Variants in FAM171B observed in about 807,000 individuals in gnomAD.
FAM171B encodes the protein family with sequence similarity 171 member B, also known as protein FAM171B.
Under a neutral mutation model 75.6 loss-of-function variants are expected in FAM171B, and 19 were observed. That is an observed-to-expected ratio of 0.25 (90% CI 0.18 to 0.37). FAM171B has a LOEUF of 0.37. Ranked by LOEUF, FAM171B falls within the 10% of genes least tolerant of loss-of-function variation. The pLI, the probability that FAM171B is intolerant of heterozygous loss-of-function variation, is 1.00. For synonymous variants in FAM171B, 367 were observed against 361.7 expected (o/e 1.01, Z -0.17); for missense variants, 848 against 982.4 (o/e 0.86, Z 1.83).
intron 1 of FAM171B, among the ~76,000 whole-genome samples, chr2:186,732,335 G>T (rs1295696807): frequency 6.6e-6 from 1 of 152,104 alleles, no homozygotes; most frequent in African/African-American, 2.4e-5. Context: ...TATATTACTT[G>T]AGTTAATTTA....
At chr2:186,719,732 T>G in intron 1 of FAM171B, among the ~76,000 whole-genome samples, 1 of 152,218 alleles carries the variant, frequency 6.6e-6, no homozygotes, top group East Asian at 1.9e-4. Flanking sequence ...CATTATAAAT[T>G]GGCATCACAT....
chr2:186,725,074 A>T (rs535445961), intron 1 of FAM171B, among the ~76,000 whole-genome samples: 1 of 152,132 alleles, frequency 6.6e-6, no homozygotes, highest in Non-Finnish European at 1.5e-5. Flanking sequence ...GCCAGGCGCG[A>T]TGGCTCACGC....
In FAM171B at chr2:186,703,072, T is replaced by TACAC. The variant is rs1259307617; in HGVS notation, c.238+8662_238+8663insCACA. Reference sequence around the variant, plus strand: ...TATAATATGTGTGTGTGTATATATATATATACACACACACACACACACACA... The same window carrying TACAC: ...TATAATATGTGTGTGTGTATATATATACACATATACACACACACACACACACACA... On this transcript the variant is annotated intron_variant, in intron 1 of 7. Coordinates refer to ENST00000304698, the MANE Select transcript of FAM171B (RefSeq NM_177454.4). 3.3e-3 allele frequency among the ~76,000 whole-genome samples: 399 copies of TACAC among 122,156 alleles called. 2 individuals carry two copies. Among genetic ancestry groups the TACAC allele is most frequent in the African/African-American group, 0.013 (372 of 28,728 alleles). The allele number at this position is 122,156 out of a possible 152,430, so 80.1% of individuals were successfully genotyped here. A position where few individuals can be genotyped will look rare whatever the true frequency, so the allele number is the denominator to read the frequency against.
At chr2:186,752,398 A>G (rs1690469818) in intron 5 of FAM171B, among the ~76,000 whole-genome samples, 1 of 152,176 alleles carries the variant, frequency 6.6e-6, no homozygotes, top group Non-Finnish European at 1.5e-5. Context: ...GCAGTAATAT[A>G]TCTATGTTTT....
At chr2:186,728,671 T>A (rs897588446) in intron 1 of FAM171B, among the ~76,000 whole-genome samples, 1 of 152,216 alleles carries the variant, frequency 6.6e-6, no homozygotes, top group Admixed American at 6.5e-5. Context: ...TTTAGCAATG[T>A]ATTCCTATAG....
intron 6 of FAM171B, 55 bp downstream of exon 6, chr2:186,754,104 A>G: frequency 7.4e-7 from 1 of 1,345,360 alleles, no homozygotes; most frequent in East Asian, 2.4e-5. Flanking sequence ...TCTTGCTGGA[A>G]CGGATAGCAG....
At position 186,764,339 on chromosome 2, in the gene FAM171B, C is replaced by T. The variant is rs925895395; in HGVS notation, c.*1516C>T. ...TGCAATTTTTTCCTCCAACTTCTAA[C>T]GTGTCAAATAACCTTCCTACTGTTC... On this transcript the variant is annotated 3_prime_UTR_variant, in exon 8 of 8. Transcript: ENST00000304698. 9 of 151,824 alleles carry T rather than the reference C, an allele frequency of 5.9e-5. No homozygotes were observed. Among genetic ancestry groups the T allele is most frequent in the East Asian group, 5.8e-4 (3 of 5,182 alleles). 9.4% of individuals were successfully genotyped at this position (151,824 alleles called of 1,614,324 possible).
intron 1 of FAM171B, among the ~76,000 whole-genome samples, chr2:186,727,766 A>G (rs963191629): frequency 2.5e-4 from 38 of 152,308 alleles, no homozygotes; most frequent in African/African-American, 8.7e-4. Context: ...TAGTGAAACC[A>G]TGATGGTTAT....
In FAM171B at chr2:186,725,464, A is replaced by G. The variant is rs147149524; in HGVS notation, c.239-14764A>G. On this transcript the variant is annotated intron_variant, in intron 1 of 7. Transcript: ENST00000304698. ...TTTCGATTCAAAGGACGGGGAAATC[A>G]GTCATACCATGCCTCAGCGCAGAGG... Among the ~76,000 whole-genome samples, 6 of 152,302 alleles carry G rather than the reference A, an allele frequency of 3.9e-5. No individual in the cohort carries two copies. The East Asian group carries it at 1.2e-3, about 29-fold the overall frequency.
At chr2:186,702,201 C>T (rs1052693016) in intron 1 of FAM171B, among the ~76,000 whole-genome samples, 1 of 152,296 alleles carries the variant, frequency 6.6e-6, no homozygotes, top group African/African-American at 2.4e-5. Context: ...CAGCTGACTA[C>T]ACGCCTATTC....
At chr2:186,698,473 C>T (rs1255735415) in intron 1 of FAM171B, among the ~76,000 whole-genome samples, 4 of 152,234 alleles carry the variant, frequency 2.6e-5, no homozygotes, top group African/African-American at 4.8e-5. Flanking sequence ...TTTTTTCACC[C>T]ATACTTCTAC....
chr2:186,705,415 C>T (rs902254565), intron 1 of FAM171B, among the ~76,000 whole-genome samples: 1 of 152,060 alleles, frequency 6.6e-6, no homozygotes. Context: ...AGTCCTGCCT[C>T]CTACCTCATG....
At chr2:186,735,157 G>T (rs1385400460) in intron 1 of FAM171B, among the ~76,000 whole-genome samples, 1 of 152,228 alleles carries the variant, frequency 6.6e-6, no homozygotes, top group African/African-American at 2.4e-5. Flanking sequence ...CCCTGCTGCA[G>T]CTGGCATCCT....
chr2:186,762,914 A>C lies in FAM171B; in HGVS notation c.*91A>C. 6.9e-7 allele frequency: 1 copy of C among 1,441,712 alleles called. No homozygotes were observed. Among genetic ancestry groups the C allele is most frequent in the Non-Finnish European group, 9.4e-7 (1 of 1,063,696 alleles). The allele number at this position is 1,441,712 out of a possible 1,614,324, so 89.3% of individuals were successfully genotyped here. A position where few individuals can be genotyped will look rare whatever the true frequency, so the allele number is the denominator to read the frequency against. On this transcript the variant is annotated 3_prime_UTR_variant, in exon 8 of 8. Coordinates refer to ENST00000304698, the MANE Select transcript of FAM171B (RefSeq NM_177454.4). The surrounding 1 kb of genome is among the most constrained non-coding windows in gnomAD (Gnocchi z 4.0). ...GTACGAACTTAAGAAAATGAGACTG[A>C]GCAATCTCATGGTTCTTGGACATGT...
intron 2 of FAM171B, among the ~76,000 whole-genome samples, chr2:186,743,021 G>A (rs180853600): frequency 1.2e-4 from 19 of 152,294 alleles, no homozygotes; most frequent in Admixed American, 2.6e-4. Context: ...ACTGTTTGCA[G>A]AAGAGCATTG....
intron 1 of FAM171B, among the ~76,000 whole-genome samples, chr2:186,703,334 C>T (rs113426386): frequency 6.6e-6 from 1 of 151,458 alleles, no homozygotes; most frequent in African/African-American, 2.4e-5. Context: ...TGTGTGGATC[C>T]AAATGCTAGC....
At chr2:186,735,564 G>A (rs1320992130) in intron 1 of FAM171B, among the ~76,000 whole-genome samples, 1 of 152,100 alleles carries the variant, frequency 6.6e-6, no homozygotes, top group Non-Finnish European at 1.5e-5. Context: ...GTTACATTTT[G>A]AGGAAGGGCT....
intron 1 of FAM171B, among the ~76,000 whole-genome samples, chr2:186,732,491 G>A (rs1471099190): frequency 6.6e-6 from 1 of 152,176 alleles, no homozygotes; most frequent in Non-Finnish European, 1.5e-5. Flanking sequence ...ACGGGTGTAA[G>A]GCAGAGAGAC....
chr2:186,729,568 A>C (rs1690083023), intron 1 of FAM171B, among the ~76,000 whole-genome samples: 1 of 152,240 alleles, frequency 6.6e-6, no homozygotes, highest in Non-Finnish European at 1.5e-5. Context: ...AGTCATAAGC[A>C]GCTAATTCTT....
Sources: allele counts gnomAD v4.1 joint callset (sites outside exome capture counted in the v4.1 genomes callset), GRCh38; gene constraint gnomAD v4.1.1; non-coding constraint Gnocchi (gnomAD v3.1); transcripts MANE v1.5; gene names NCBI Gene and HGNC (gene_info 2026-07-23, HGNC 2026-07-21).